Variants in THBS4 observed in about 807,000 individuals in gnomAD.
THBS4 encodes thrombospondin 4.
In THBS4, 90 loss-of-function variants were observed where a neutral mutation model predicts 115.7. That is an observed-to-expected ratio of 0.78 (90% CI 0.66 to 0.93). THBS4 has a LOEUF of 0.93. Among genes scored for constraint, THBS4 ranks in the 40% least tolerant of loss-of-function variants. THBS4 has a pLI of 0.00. For missense variants in THBS4, 1,087 were observed against 1,232.7 expected (o/e 0.88, Z 1.77); for synonymous variants, 460 against 479.3 (o/e 0.96, Z 0.53).
intron 2 of THBS4, among the ~76,000 whole-genome samples, chr5:80,045,827 G>A (rs1466943036): frequency 2.0e-5 from 3 of 152,090 alleles, no homozygotes; most frequent in Admixed American, 6.5e-5. Flanking sequence ...AACCATGCCC[G>A]GCCCTATGGA....
chr5:80,012,552 T>A (rs1832148358), intron 2 of THBS4, among the ~76,000 whole-genome samples: 1 of 152,142 alleles, frequency 6.6e-6, no homozygotes, highest in Non-Finnish European at 1.5e-5. Flanking sequence ...CTTGGTCTCT[T>A]CCCCAGAGGC....
Position 80,079,936 on chromosome 5 carries a change from A to AT in THBS4, c.2544dup (p.Leu849SerfsTer13), listed in dbSNP as rs776643154. ...AAGTCTAAGACAGGTCCAGGGGAGC[A>AT]TCTCCGGAACTCCCTGTGGCACACG... On this transcript the variant is annotated frameshift_variant, in exon 20 of 22. Transcript: ENST00000350881. LOFTEE classifies it high-confidence loss of function. The AT allele has an allele frequency of 3.1e-6, 5 of 1,614,138 alleles. No homozygotes were observed. In the East Asian group the frequency reaches 1.1e-4, roughly 36 times the overall value.
intron 1 of THBS4, 24 bp from the exon 2 acceptor site, chr5:80,040,053 C>A (rs1314305752): frequency 2.5e-6 from 4 of 1,606,566 alleles, no homozygotes; most frequent in Non-Finnish European, 3.4e-6. Flanking sequence ...TTCACTTATA[C>A]CCCTTCTTCT....
At chr5:80,042,834 T>C (rs974844992) in intron 2 of THBS4, among the ~76,000 whole-genome samples, 1 of 152,050 alleles carries the variant, frequency 6.6e-6, no homozygotes, top group African/African-American at 2.4e-5. Context: ...GGCATGGCAG[T>C]ATGTGCCTAT....
At chr5:80,059,552 T>C in intron 6 of THBS4, 61 bp downstream of exon 6, 1 of 1,607,050 alleles carries the variant, frequency 6.2e-7, no homozygotes, top group Non-Finnish European at 8.5e-7. Flanking sequence ...ATGAAGGGCT[T>C]GCGGTGAGGC....
At chr5:80,056,586 T>G (rs1420855121) in intron 3 of THBS4, among the ~76,000 whole-genome samples, 1 of 152,238 alleles carries the variant, frequency 6.6e-6, no homozygotes, top group Non-Finnish European at 1.5e-5. Context: ...GTTGATGGTA[T>G]TTTTATTATT....
At chr5:80,020,275 A>G (rs1832337132) in intron 2 of THBS4, among the ~76,000 whole-genome samples, 1 of 152,150 alleles carries the variant, frequency 6.6e-6, no homozygotes, top group Admixed American at 6.5e-5. Flanking sequence ...GATCGAGACC[A>G]TCCTGGCTAA....
intron 13 of THBS4, 189 bp from the exon 14 acceptor site, chr5:80,072,088 CT>C (rs1834081842): frequency 1.6e-6 from 1 of 628,498 alleles, no homozygotes; most frequent in Admixed American, 2.5e-5. Flanking sequence ...ATAAATACCT[CT>C]GAGAGCTGTT....
At chr5:80,043,004 A>C (rs1049541129) in intron 2 of THBS4, among the ~76,000 whole-genome samples, 2 of 152,070 alleles carry the variant, frequency 1.3e-5, no homozygotes, top group African/African-American at 4.8e-5. Flanking sequence ...GAAAAGATGA[A>C]AGGGTTGAGA....
chr5:80,060,073 A>C (rs973182986), intron 7 of THBS4, among the ~76,000 whole-genome samples, 168 bp downstream of exon 7: 3 of 152,212 alleles, frequency 2.0e-5, no homozygotes, highest in Admixed American at 2.0e-4. Flanking sequence ...GGAAGGAGAC[A>C]TGACCCAAGG....
At chr5:80,081,120 C>T (rs1743485038) in intron 20 of THBS4, among the ~76,000 whole-genome samples, 1 of 152,102 alleles carries the variant, frequency 6.6e-6, no homozygotes, top group Non-Finnish European at 1.5e-5. Flanking sequence ...CCATCCTAGC[C>T]TATGTAGGAT....
intron 3 of THBS4, 43 bp downstream of exon 3, chr5:80,056,075 G>T: frequency 6.4e-7 from 1 of 1,556,238 alleles, no homozygotes; most frequent in Non-Finnish European, 8.7e-7. Flanking sequence ...AAAATGAGCT[G>T]CCAGTGCCTA....
Position 80,079,905 on chromosome 5 carries a change from G to A in THBS4, c.2512G>A (p.Ala838Thr). The part of the protein sequence containing the change: ...AVAEPGIQLK[A>T]VKSKTGPGEH... ...AAACCTTGCTTGTGTCATCATGCAG[G>A]CTGTGAAGTCTAAGACAGGTCCAGG... The change falls in exon 20 of 22, where the codon GCT (alanine) becomes ACT (threonine). Residue 838 changes from alanine to threonine, a missense_variant and splice_region_variant. By Grantham distance (58) the Ala-to-Thr change is moderately conservative. Coordinates refer to ENST00000350881, the MANE Select transcript of THBS4 (RefSeq NM_003248.6). 1.2e-6 allele frequency: 2 copies of A among 1,613,998 alleles called. No individual in the cohort carries two copies. The highest frequency in any genetic ancestry group is 1.3e-5 in the African/African-American group (1 of 75,020).
chr5:80,046,963 T>G (rs1833087648), intron 2 of THBS4, among the ~76,000 whole-genome samples: 1 of 152,132 alleles, frequency 6.6e-6, no homozygotes, highest in Non-Finnish European at 1.5e-5. Context: ...CCAAAATCAA[T>G]CAGATGAAAT....
chr5:79,994,127 G>A (rs534716861), intron 1 of THBS4, among the ~76,000 whole-genome samples: 1 of 152,126 alleles, frequency 6.6e-6, no homozygotes, highest in African/African-American at 2.4e-5. Flanking sequence ...GACATTTATG[G>A]AGCAATTTCT....
At chr5:79,994,415 A>AT (rs1831748300) in intron 1 of THBS4, among the ~76,000 whole-genome samples, 1 of 152,162 alleles carries the variant, frequency 6.6e-6, no homozygotes, top group Admixed American at 6.5e-5. Context: ...CAAAGTGGAG[A>AT]TATCAATGCC....
chr5:80,020,706 C>A (rs2151158264), intron 2 of THBS4, among the ~76,000 whole-genome samples: 1 of 152,254 alleles, frequency 6.6e-6, no homozygotes, highest in East Asian at 1.9e-4. Flanking sequence ...TCACACCCAG[C>A]TCTGAGTCCT....
chr5:80,039,808 C>A (rs1832835012), intron 1 of THBS4, among the ~76,000 whole-genome samples: 1 of 152,098 alleles, frequency 6.6e-6, no homozygotes, highest in South Asian at 2.1e-4. Context: ...CAGCCAAACC[C>A]AATTATGTGT....
At chr5:80,020,508 A>G (rs11743110) in intron 2 of THBS4, among the ~76,000 whole-genome samples, 27,883 of 152,054 alleles carry the variant, frequency 0.18, 2,731 homozygotes, top group Middle Eastern at 0.25. Flanking sequence ...ACAAAAAAAG[A>G]AAGTGAAATG....
Sources: allele counts gnomAD v4.1 joint callset (sites outside exome capture counted in the v4.1 genomes callset), GRCh38; gene constraint gnomAD v4.1.1; transcripts MANE v1.5; gene names NCBI Gene and HGNC (gene_info 2026-07-23, HGNC 2026-07-21).